SYT6: variants seen among roughly 807,000 people sequenced by gnomAD.
SYT6 encodes the protein synaptotagmin 6.
A neutral mutation model predicts 38.4 loss-of-function variants in SYT6; 24 were observed. The observed-to-expected ratio is 0.62, with a 90% CI of 0.45 to 0.88. SYT6 has a LOEUF of 0.88. Among genes scored for constraint, SYT6 ranks in the 40% least tolerant of loss-of-function variants. The pLI is 0.00. For synonymous variants in SYT6, 265 were observed against 241.9 expected (o/e 1.10, Z -0.89); for missense variants, 611 against 621.0 (o/e 0.98, Z 0.17).
At chr1:114,109,883 A>G (rs1440543942) in intron 3 of SYT6, among the ~76,000 whole-genome samples, 2 of 152,256 alleles carry the variant, frequency 1.3e-5, no homozygotes, top group Admixed American at 6.5e-5. Flanking sequence ...TCTAGCAGAA[A>G]AAAGTAAGCA....
chr1:114,120,977 G>A (rs182366835), intron 3 of SYT6, among the ~76,000 whole-genome samples: 6 of 152,342 alleles, frequency 3.9e-5, no homozygotes, highest in Admixed American at 3.3e-4. Flanking sequence ...CGTGCCTAGA[G>A]GCAGGGCCTT....
intron 3 of SYT6, among the ~76,000 whole-genome samples, chr1:114,107,830 A>G (rs1423590941): frequency 6.6e-6 from 1 of 152,120 alleles, no homozygotes. Context: ...TCCTCATTAG[A>G]GGTGTTTGAG....
At chr1:114,118,597 C>T (rs930323482) in intron 3 of SYT6, among the ~76,000 whole-genome samples, 4 of 152,232 alleles carry the variant, frequency 2.6e-5, no homozygotes, top group Non-Finnish European at 5.9e-5. Flanking sequence ...ATGCCAGGCC[C>T]TCCGGCGGGG....
At chr1:114,121,129 G>A (rs2629810) in intron 3 of SYT6, among the ~76,000 whole-genome samples, 112,733 of 152,096 alleles carry the variant, frequency 0.74, 42,024 homozygotes, top group African/African-American at 0.83. Context: ...AGAGTCTTCT[G>A]GGATCTCAAC....
intron 6 of SYT6, among the ~76,000 whole-genome samples, chr1:114,094,202 A>G (rs746571397): frequency 2.0e-5 from 3 of 152,208 alleles, no homozygotes; most frequent in Non-Finnish European, 4.4e-5. Context: ...AAGATAAACA[A>G]AGGGAGGAGA....
At chr1:114,122,679 A>G (rs907320790) in intron 3 of SYT6, among the ~76,000 whole-genome samples, 5 of 152,030 alleles carry the variant, frequency 3.3e-5, no homozygotes, top group African/African-American at 1.2e-4. Flanking sequence ...GGGTTGGGGG[A>G]ATACTTTCCT....
intron 3 of SYT6, among the ~76,000 whole-genome samples, chr1:114,110,138 G>A (rs1245448726): frequency 6.6e-6 from 1 of 152,184 alleles, no homozygotes; most frequent in Non-Finnish European, 1.5e-5. Context: ...CTCTACCCCT[G>A]CCCTTCCTGC....
intron 3 of SYT6, among the ~76,000 whole-genome samples, chr1:114,128,268 CG>C (rs776960737): frequency 3.9e-5 from 6 of 152,170 alleles, no homozygotes; most frequent in Non-Finnish European, 7.3e-5. Context: ...GACCTGCATG[CG>C]GGAGTCCAGA....
chr1:114,129,596 CTTT>C (rs1557756095), intron 3 of SYT6, among the ~76,000 whole-genome samples: 12 of 90,900 alleles, frequency 1.3e-4, no homozygotes, highest in African/African-American at 4.9e-4. Flanking sequence ...TTCTTTCTTT[CTTT>C]CTTTCTTTCT....
At chr1:114,115,677 A>T (rs1676952178) in intron 3 of SYT6, among the ~76,000 whole-genome samples, 1 of 152,106 alleles carries the variant, frequency 6.6e-6, no homozygotes, top group Non-Finnish European at 1.5e-5. Context: ...GGCCTCCCTA[A>T]GTGCTGGGAT....
At position 114,090,839 on chromosome 1, in the gene SYT6, A is replaced by AT. The variant is rs900667740; in HGVS notation, c.*1294dup. The AT allele has an allele frequency of 5.4e-4, 82 of 151,754 alleles. No homozygotes were observed. The East Asian group carries it at 0.011, about 20-fold the overall frequency. The allele number at this position is 151,754 out of a possible 1,614,324, so 9.4% of individuals were successfully genotyped here. A position where few individuals can be genotyped will look rare whatever the true frequency, so the allele number is the denominator to read the frequency against. Reference sequence around the variant, plus strand: ...ATTACAACACAGAATAGTTCAAACAATTTTTTTTTTCCTAAACTGAGTTTG... The same window carrying AT: ...ATTACAACACAGAATAGTTCAAACAATTTTTTTTTTTCCTAAACTGAGTTTG... On this transcript the variant is annotated 3_prime_UTR_variant, in exon 8 of 8. Transcript: ENST00000610222.
chr1:114,130,829 C>G (rs532962150), intron 3 of SYT6, among the ~76,000 whole-genome samples: 1 of 152,154 alleles, frequency 6.6e-6, no homozygotes, highest in Admixed American at 6.5e-5. Flanking sequence ...CAGGACAGAC[C>G]TAGAAACCTG....
chr1:114,129,564 TTTTC>T (rs58281086), intron 3 of SYT6, among the ~76,000 whole-genome samples: 11,912 of 112,210 alleles, frequency 0.11, 714 homozygotes, highest in Non-Finnish European at 0.12. Context: ...TTTTTCTTTC[TTTTC>T]TTTCTTTCTT....
chr1:114,127,784 G>A (rs1167230291), intron 3 of SYT6, among the ~76,000 whole-genome samples: 1 of 152,254 alleles, frequency 6.6e-6, no homozygotes, highest in African/African-American at 2.4e-5. Flanking sequence ...TAAACTGTGA[G>A]TAGGATGCAC....
intron 3 of SYT6, among the ~76,000 whole-genome samples, chr1:114,133,418 C>T (rs17032425): frequency 0.02 from 2,974 of 152,204 alleles, 111 homozygotes; most frequent in African/African-American, 0.068. Context: ...ACCCGGGTGA[C>T]GGCAGCTCTA....
chr1:114,116,804 T>C (rs1169396676), intron 3 of SYT6, among the ~76,000 whole-genome samples: 1 of 152,202 alleles, frequency 6.6e-6, no homozygotes, highest in South Asian at 2.1e-4. Context: ...TCCCCCCAAA[T>C]GGCTGACCCA....
chr1:114,105,822 G>A (rs1676273372), intron 3 of SYT6, among the ~76,000 whole-genome samples: 1 of 151,898 alleles, frequency 6.6e-6, no homozygotes, highest in Admixed American at 6.6e-5. Context: ...CATCTAGGAA[G>A]CTGCTCAAGG....
intron 1 of SYT6, among the ~76,000 whole-genome samples, chr1:114,146,309 C>T (rs560739057): frequency 6.6e-6 from 1 of 152,296 alleles, no homozygotes; most frequent in East Asian, 1.9e-4. Context: ...TCCCTCATCT[C>T]CTAGTTTAAG....
intron 3 of SYT6, among the ~76,000 whole-genome samples, chr1:114,120,763 G>A (rs1216464212): frequency 6.6e-6 from 1 of 152,226 alleles, no homozygotes; most frequent in Non-Finnish European, 1.5e-5. Flanking sequence ...AAGGCAAGGT[G>A]ACTTGTTACC....
Sources: allele counts gnomAD v4.1 joint callset (sites outside exome capture counted in the v4.1 genomes callset), GRCh38; gene constraint gnomAD v4.1.1; transcripts MANE v1.5; gene names NCBI Gene and HGNC (gene_info 2026-07-23, HGNC 2026-07-21).